TCF12: variants seen among roughly 807,000 people sequenced by gnomAD.
TCF12 encodes DNA-binding protein HTF4.
Under a neutral mutation model 86.0 loss-of-function variants are expected in TCF12, and 45 were observed. The ratio of observed to expected loss-of-function variants is 0.52; its 90% CI spans 0.41 to 0.67. TCF12 has a LOEUF of 0.67. Among genes scored for constraint, TCF12 ranks in the 30% least tolerant of loss-of-function variants. TCF12 has a pLI of 0.00. For synonymous variants in TCF12, 330 were observed against 299.6 expected (o/e 1.10, Z -1.05); for missense variants, 881 against 859.9 (o/e 1.02, Z -0.31).
chr15:56,985,057 C>T (rs1402034510), intron 3 of TCF12, among the ~76,000 whole-genome samples: 6 of 152,170 alleles, frequency 3.9e-5, no homozygotes, highest in African/African-American at 1.2e-4. Flanking sequence ...GGTTGGAATG[C>T]ACATAATTTC....
intron 3 of TCF12, among the ~76,000 whole-genome samples, chr15:56,979,427 T>C (rs1252898963): frequency 6.6e-6 from 1 of 152,198 alleles, no homozygotes; most frequent in Non-Finnish European, 1.5e-5. Flanking sequence ...TCAGTAAATA[T>C]TACTTGCTTG....
chr15:56,976,331 C>T (rs1007393318), intron 3 of TCF12, among the ~76,000 whole-genome samples: 5 of 147,400 alleles, frequency 3.4e-5, no homozygotes, highest in South Asian at 2.2e-4. Flanking sequence ...TCCGGGTTCA[C>T]GCCATTCTCC....
chr15:57,012,431 A>G (rs2064887114), intron 3 of TCF12, among the ~76,000 whole-genome samples: 1 of 152,208 alleles, frequency 6.6e-6, no homozygotes, highest in Non-Finnish European at 1.5e-5. Context: ...TTCTTCACCT[A>G]TTAAGATATA....
intron 3 of TCF12, among the ~76,000 whole-genome samples, chr15:56,990,151 C>CTTTTTTTT (rs372235874): frequency 4.6e-4 from 43 of 92,710 alleles, no homozygotes; most frequent in African/African-American, 1.2e-3. Flanking sequence ...ATAGTCTTGT[C>CTTTTTTTT]TTTTTTTTTT....
intron 9 of TCF12, 37 bp from the exon 10 acceptor site, chr15:57,232,254 A>G (rs2059169155): frequency 6.2e-7 from 1 of 1,609,740 alleles, no homozygotes; most frequent in Non-Finnish European, 8.5e-7. Context: ...GAAAATTTTT[A>G]GCTAAGGAAA....
intron 8 of TCF12, among the ~76,000 whole-genome samples, chr15:57,204,767 T>G (rs1382089880): frequency 1.3e-5 from 2 of 152,116 alleles, no homozygotes; most frequent in Non-Finnish European, 2.9e-5. Flanking sequence ...AAGATTTTTT[T>G]TTTTAATAGG....
At chr15:57,126,452 C>T (rs1254857333) in intron 5 of TCF12, among the ~76,000 whole-genome samples, 1 of 152,204 alleles carries the variant, frequency 6.6e-6, no homozygotes, top group Non-Finnish European at 1.5e-5. Context: ...TCTCCATCCT[C>T]TCCAGTATAA....
intron 3 of TCF12, among the ~76,000 whole-genome samples, chr15:56,937,307 G>A (rs1486922141): frequency 6.6e-6 from 1 of 151,354 alleles, no homozygotes; most frequent in African/African-American, 2.4e-5. Flanking sequence ...CTACTGATTT[G>A]TATACGTTAA....
intron 3 of TCF12, among the ~76,000 whole-genome samples, chr15:57,055,398 C>T (rs559188362): frequency 6.6e-6 from 1 of 152,174 alleles, no homozygotes; most frequent in African/African-American, 2.4e-5. Context: ...AAAACTCTGT[C>T]TCAAAAAATA....
intron 4 of TCF12, among the ~76,000 whole-genome samples, chr15:57,066,904 TTTG>T (rs2068925407): frequency 6.6e-6 from 1 of 152,212 alleles, no homozygotes; most frequent in African/African-American, 2.4e-5. Context: ...AAGGGAAATT[TTTG>T]CTATGTACAC....
chr15:56,974,441 C>G (rs2062498903), intron 3 of TCF12, among the ~76,000 whole-genome samples: 1 of 152,002 alleles, frequency 6.6e-6, no homozygotes, highest in African/African-American at 2.4e-5. Context: ...CTTTTCTGTA[C>G]TCTTGCAAAT....
chr15:57,203,054 C>T (rs16977306), intron 8 of TCF12, among the ~76,000 whole-genome samples: 35,338 of 152,096 alleles, frequency 0.23, 4,575 homozygotes, highest in African/African-American at 0.35. Context: ...AAAGTTTTCA[C>T]GTTACCTCCA....
intron 3 of TCF12, among the ~76,000 whole-genome samples, chr15:56,936,357 T>G (rs1283605801): frequency 6.6e-6 from 1 of 152,188 alleles, no homozygotes; most frequent in Non-Finnish European, 1.5e-5. Context: ...TTTGTTTGAG[T>G]TCCTTGTAGA....
At chr15:57,037,557 T>C (rs1424094501) in intron 3 of TCF12, among the ~76,000 whole-genome samples, 1 of 152,168 alleles carries the variant, frequency 6.6e-6, no homozygotes, top group African/African-American at 2.4e-5. Flanking sequence ...AAGAAGCCAT[T>C]CTGGGTTGTC....
chr15:57,236,837 A>G (rs182705533), intron 12 of TCF12, among the ~76,000 whole-genome samples: 1 of 148,940 alleles, frequency 6.7e-6, no homozygotes, highest in Non-Finnish European at 1.5e-5. Flanking sequence ...TAGTTTAGAT[A>G]AAAAAAAAGA....
intron 5 of TCF12, among the ~76,000 whole-genome samples, chr15:57,127,828 C>G (rs1216434518): frequency 6.6e-6 from 1 of 152,086 alleles, no homozygotes; most frequent in South Asian, 2.1e-4. Context: ...GTTTTGATCA[C>G]TGTTAGAATT....
At chr15:57,267,249 G>A (rs1245656729) in intron 18 of TCF12, among the ~76,000 whole-genome samples, 2 of 152,088 alleles carry the variant, frequency 1.3e-5, no homozygotes, top group Non-Finnish European at 2.9e-5. Flanking sequence ...AACTTAAAAG[G>A]TGTCCTTTTG....
At chr15:56,998,647 C>G (rs2063844997) in intron 3 of TCF12, among the ~76,000 whole-genome samples, 2 of 151,930 alleles carry the variant, frequency 1.3e-5, no homozygotes, top group Non-Finnish European at 2.9e-5. Context: ...GACAGAATCA[C>G]CGGGGGTACA....
At chr15:57,210,985 A>AAG in intron 8 of TCF12, among the ~76,000 whole-genome samples, 1 of 152,356 alleles carries the variant, frequency 6.6e-6, no homozygotes, top group South Asian at 2.1e-4. Context: ...ATGAGCTCCC[A>AAG]TATTGACTCC....
Sources: gnomAD v4.1 joint callset for allele counts (sites outside exome capture counted in the v4.1 genomes callset) on GRCh38, gnomAD v4.1.1 for gene constraint, MANE v1.5 for transcripts, NCBI Gene and HGNC (gene_info 2026-07-23, HGNC 2026-07-21) for gene names.